Variants in CACNA2D3 observed in about 807,000 individuals in gnomAD.
CACNA2D3 encodes the protein voltage-dependent calcium channel subunit alpha-2/delta-3.
A neutral mutation model predicts 160.6 loss-of-function variants in CACNA2D3; 60 were observed. That is an observed-to-expected ratio of 0.37 (90% CI 0.30 to 0.46). The LOEUF (loss-of-function observed/expected upper bound fraction) is 0.46. Among genes scored for constraint, CACNA2D3 ranks in the 20% least tolerant of loss-of-function variants. The pLI is 1.00. For missense variants in CACNA2D3, 1,205 were observed against 1,365.0 expected, an observed-to-expected ratio of 0.88 and a Z score of 1.85; for synonymous variants, 558 against 492.9, an observed-to-expected ratio of 1.13 and a Z score of -1.75.
intron 17 of CACNA2D3, among the ~76,000 whole-genome samples, chr3:54,865,498 T>G (rs1203660429): frequency 6.6e-6 from 1 of 152,212 alleles, no homozygotes; most frequent in African/African-American, 2.4e-5. Context: ...CCACCTCCTC[T>G]GAGTCTGTTG....
At position 54,497,360 on chromosome 3, in the gene CACNA2D3, A is replaced by G. The variant is rs576858091; in HGVS notation, c.382-6132A>G. Among the ~76,000 whole-genome samples the G allele has an allele frequency of 8.5e-4, 129 of 152,150 alleles. 1 individual carries two copies. Among genetic ancestry groups the G allele is most frequent in the African/African-American group, 3.0e-3 (125 of 41,560 alleles). Reference sequence around the variant, plus strand: ...ATATACACCTATTATAGTTTAATTGATACCTGTTTTATTCTATGCTATCAT... The same window carrying G: ...ATATACACCTATTATAGTTTAATTGGTACCTGTTTTATTCTATGCTATCAT... On this transcript the variant is annotated intron_variant, in intron 4 of 37. Coordinates refer to ENST00000474759, the MANE Select transcript of CACNA2D3 (RefSeq NM_018398.3).
intron 4 of CACNA2D3, among the ~76,000 whole-genome samples, chr3:54,490,440 C>T (rs111293187): frequency 9.8e-5 from 15 of 152,358 alleles, no homozygotes; most frequent in African/African-American, 3.6e-4. Flanking sequence ...TCAACAGAAT[C>T]AGGAGGTCCA....
intron 11 of CACNA2D3, among the ~76,000 whole-genome samples, chr3:54,736,150 C>T (rs1333740191): frequency 4.0e-5 from 5 of 126,080 alleles, no homozygotes; most frequent in Non-Finnish European, 6.6e-5. Flanking sequence ...TACACACACA[C>T]ACACACACAC....
chr3:54,451,550 T>A (rs1700308760), intron 4 of CACNA2D3, among the ~76,000 whole-genome samples: 1 of 152,170 alleles, frequency 6.6e-6, no homozygotes, highest in African/African-American at 2.4e-5. Flanking sequence ...GGTGATTGAT[T>A]GGGTTCACGA....
At chr3:54,188,923 C>T (rs1041809200) in intron 2 of CACNA2D3, among the ~76,000 whole-genome samples, 3 of 152,198 alleles carry the variant, frequency 2.0e-5, no homozygotes, top group Admixed American at 2.0e-4. Flanking sequence ...CCCAGCAACT[C>T]AGGATAATGG....
chr3:54,411,388 T>C (rs1279376079), intron 4 of CACNA2D3, among the ~76,000 whole-genome samples: 1 of 152,186 alleles, frequency 6.6e-6, no homozygotes, highest in Non-Finnish European at 1.5e-5. Flanking sequence ...AACTTCATTA[T>C]TGTCTTATTT....
chr3:54,910,140 A>G (rs907398930), intron 27 of CACNA2D3, among the ~76,000 whole-genome samples: 2 of 152,176 alleles, frequency 1.3e-5, no homozygotes, highest in South Asian at 4.1e-4. Context: ...CTCAAGGCCA[A>G]AGTACACAAT....
intron 13 of CACNA2D3, among the ~76,000 whole-genome samples, chr3:54,798,675 A>G (rs1702920680): frequency 6.6e-6 from 1 of 152,244 alleles, no homozygotes. Context: ...TCACTGCGTC[A>G]TAGGGCATTT....
chr3:54,498,917 C>A (rs1245405475), intron 4 of CACNA2D3, among the ~76,000 whole-genome samples: 2 of 151,914 alleles, frequency 1.3e-5, no homozygotes, highest in Non-Finnish European at 2.9e-5. Flanking sequence ...ATCTAGATAT[C>A]AATGATATTT....
intron 2 of CACNA2D3, among the ~76,000 whole-genome samples, chr3:54,249,558 T>TACACACACACACAC (rs149515122): frequency 0.023 from 2,789 of 123,812 alleles, 239 homozygotes; most frequent in African/African-American, 0.083. Context: ...TCTGTTTACG[T>TACACACACACACAC]ACACACACAC....
chr3:54,253,213 A>C (rs1181274777), intron 2 of CACNA2D3, among the ~76,000 whole-genome samples: 1 of 151,580 alleles, frequency 6.6e-6, no homozygotes, highest in African/African-American at 2.4e-5. Flanking sequence ...AGAGCAAGAG[A>C]GTATGGGTGG....
At chr3:54,679,625 C>G (rs1196626376) in intron 11 of CACNA2D3, among the ~76,000 whole-genome samples, 2 of 152,220 alleles carry the variant, frequency 1.3e-5, no homozygotes, top group Non-Finnish European at 2.9e-5. Flanking sequence ...CTTCACAGCT[C>G]TGCTCAGAAG....
intron 4 of CACNA2D3, among the ~76,000 whole-genome samples, chr3:54,473,607 T>C (rs1200262313): frequency 6.6e-6 from 1 of 152,028 alleles, no homozygotes; most frequent in African/African-American, 2.4e-5. Context: ...ACCTACAGAA[T>C]GGGAGAAAAG....
chr3:54,190,990 C>T (rs1166284394), intron 2 of CACNA2D3, among the ~76,000 whole-genome samples: 1 of 150,482 alleles, frequency 6.6e-6, no homozygotes, highest in Non-Finnish European at 1.5e-5. Flanking sequence ...TGGGATAATA[C>T]CAGAACCTGC....
chr3:54,764,820 A>T lies in CACNA2D3; in HGVS notation c.1380+469A>T, dbSNP rs78937110. Among the ~76,000 whole-genome samples the T allele has an allele frequency of 2.6e-5, 4 of 152,312 alleles. No homozygotes were observed. The East Asian group carries it at 7.7e-4, about 29-fold the overall frequency. Reference sequence around the variant, plus strand: ...ATTTTCTTCCCATGCATAAGTGAGAATATGCTTGAATGGTGGTTCAGTAGG... The same window carrying T: ...ATTTTCTTCCCATGCATAAGTGAGATTATGCTTGAATGGTGGTTCAGTAGG... On this transcript the variant is annotated intron_variant, in intron 13 of 37. Transcript: ENST00000474759.
chr3:54,802,960 G>A (rs1327402046), intron 13 of CACNA2D3, among the ~76,000 whole-genome samples: 2 of 152,210 alleles, frequency 1.3e-5, no homozygotes, highest in Non-Finnish European at 2.9e-5. Context: ...GGTCTGAAGT[G>A]GACCTCTAGC....
chr3:54,410,195 A>G (rs1699642199), intron 4 of CACNA2D3, among the ~76,000 whole-genome samples: 1 of 152,024 alleles, frequency 6.6e-6, no homozygotes, highest in South Asian at 2.1e-4. Flanking sequence ...CTAAAAATAC[A>G]CACAAAAAAA....
intron 35 of CACNA2D3, among the ~76,000 whole-genome samples, chr3:55,067,098 TA>T (rs565450536): frequency 0.017 from 2,523 of 148,338 alleles, 79 homozygotes; most frequent in African/African-American, 0.062. Context: ...CAATCTTTTG[TA>T]GCGGGGGGGG....
chr3:54,790,455 A>T (rs2106645083), intron 13 of CACNA2D3, among the ~76,000 whole-genome samples: 1 of 152,318 alleles, frequency 6.6e-6, no homozygotes, highest in Non-Finnish European at 1.5e-5. Context: ...GAGAAGACTG[A>T]GTATAACACA....
Sources: allele counts gnomAD v4.1 joint callset (sites outside exome capture counted in the v4.1 genomes callset), GRCh38; gene constraint gnomAD v4.1.1; transcripts MANE v1.5; gene names NCBI Gene and HGNC (gene_info 2026-07-23, HGNC 2026-07-21).